The following AGBL1 variants were observed in gnomAD, a reference collection of about 807,000 sequenced individuals.
AGBL1 encodes the protein cytosolic carboxypeptidase 4.
In AGBL1, 130 loss-of-function variants were observed where a neutral mutation model predicts 118.9. The observed-to-expected ratio is 1.09, with a 90% confidence interval of 0.95 to 1.26. The LOEUF is 1.26. Ranked by LOEUF, AGBL1 falls within the 50% of genes most tolerant of loss-of-function variation. The probability of loss-of-function intolerance (pLI) is 0.00; values close to 1 mark genes in which losing one functional copy is unlikely to be tolerated. For synonymous variants in AGBL1, 555 were observed against 478.9 expected, an observed-to-expected ratio of 1.16 and a Z score of -2.08; for missense variants, 1,584 against 1,298.1, an observed-to-expected ratio of 1.22 and a Z score of -3.38.
intron 5 of AGBL1, among the ~76,000 whole-genome samples, chr15:86,218,330 C>T (rs932015581): frequency 6.6e-6 from 1 of 152,060 alleles, no homozygotes. Flanking sequence ...AGTATTTCCA[C>T]TCTCTGAAAA....
intron 22 of AGBL1, among the ~76,000 whole-genome samples, chr15:86,802,418 T>G (rs961195242): frequency 1.3e-4 from 20 of 152,112 alleles, no homozygotes; most frequent in Admixed American, 4.6e-4. Context: ...CTTACCTGAT[T>G]CATTTCCAGT....
chr15:86,123,194 T>A (rs779791100), intron 1 of AGBL1, among the ~76,000 whole-genome samples: 7 of 152,124 alleles, frequency 4.6e-5, no homozygotes, highest in Non-Finnish European at 8.8e-5. Context: ...CATAGAGGTT[T>A]TGTCTGCATG....
intron 4 of AGBL1, among the ~76,000 whole-genome samples, chr15:86,157,674 G>A (rs532488826): frequency 2.6e-5 from 4 of 152,214 alleles, no homozygotes; most frequent in African/African-American, 9.6e-5. Context: ...AGAAGCCTGC[G>A]GATTACTATC....
At chr15:86,157,020 C>A (rs2077201999) in intron 4 of AGBL1, among the ~76,000 whole-genome samples, 1 of 152,046 alleles carries the variant, frequency 6.6e-6, no homozygotes, top group African/African-American at 2.4e-5. Flanking sequence ...GAACTCCTGA[C>A]CTCAGGTGAT....
intron 21 of AGBL1, among the ~76,000 whole-genome samples, chr15:86,618,093 T>A (rs1249739230): frequency 6.6e-6 from 1 of 152,158 alleles, no homozygotes; most frequent in Non-Finnish European, 1.5e-5. Context: ...GATGGAATAT[T>A]CATTAGAGGG....
chr15:86,670,188 G>A (rs1310039585), intron 21 of AGBL1, among the ~76,000 whole-genome samples: 2 of 152,072 alleles, frequency 1.3e-5, no homozygotes, highest in South Asian at 2.1e-4. Flanking sequence ...GTTCCCTGAA[G>A]TGACGTTACC....
intron 21 of AGBL1, among the ~76,000 whole-genome samples, chr15:86,573,686 C>A (rs1399870508): frequency 2.0e-5 from 3 of 152,160 alleles, no homozygotes; most frequent in Non-Finnish European, 4.4e-5. Flanking sequence ...GAACATGATC[C>A]TCCTCCTTAT....
Position 86,974,549 on chromosome 15 carries a change from AAT to A in AGBL1, c.3222-13437_3222-13436del, listed in dbSNP as rs1189799778. Among the ~76,000 whole-genome samples the A allele has an allele frequency of 9.7e-3, 1,261 of 129,826 alleles. 44 individuals carry two copies. Among genetic ancestry groups the A allele is most frequent in the Middle Eastern group, 0.018 (4 of 218 alleles). The allele number at this position is 129,826 out of a possible 152,430, so 85.2% of individuals were successfully genotyped here. ...TATATTAAATATATAAAAATTATAT[AAT>A]TATATAATATAAATTATATATATTA... On this transcript the variant is annotated intron_variant, in intron 23 of 24. Coordinates refer to the AGBL1 transcript ENST00000441037.
At chr15:86,485,478 T>C (rs2082701347) in intron 18 of AGBL1, among the ~76,000 whole-genome samples, 1 of 152,098 alleles carries the variant, frequency 6.6e-6, no homozygotes, top group South Asian at 2.1e-4. Context: ...AGCTACACAG[T>C]CTCTGATGAA....
chr15:86,472,392 A>G (rs573438635), intron 18 of AGBL1, among the ~76,000 whole-genome samples: 1 of 152,266 alleles, frequency 6.6e-6, no homozygotes, highest in Admixed American at 6.5e-5. Flanking sequence ...TGGCCAGTGA[A>G]TTGACAATTC....
intron 21 of AGBL1, among the ~76,000 whole-genome samples, chr15:86,597,125 C>T (rs1228684375): frequency 8.0e-6 from 1 of 124,892 alleles, no homozygotes; most frequent in Non-Finnish European, 1.7e-5. Flanking sequence ...TCTATCTAAT[C>T]TACCTATATC....
intron 21 of AGBL1, among the ~76,000 whole-genome samples, chr15:86,575,180 C>T (rs1324400501): frequency 4.0e-5 from 6 of 151,648 alleles, no homozygotes; most frequent in Non-Finnish European, 7.4e-5. Context: ...CAGAGGGAGA[C>T]TCTGTCTCAA....
At chr15:86,722,073 C>T (rs2086730749) in intron 22 of AGBL1, among the ~76,000 whole-genome samples, 2 of 152,120 alleles carry the variant, frequency 1.3e-5, no homozygotes, top group Non-Finnish European at 2.9e-5. Context: ...TGAAAATGGC[C>T]ATACTGCCCA....
At chr15:86,329,310 T>C (rs972330494) in intron 17 of AGBL1, among the ~76,000 whole-genome samples, 1 of 151,766 alleles carries the variant, frequency 6.6e-6, no homozygotes, top group Non-Finnish European at 1.5e-5. Context: ...ACATAGATGA[T>C]AGTGCAGTGG....
chr15:86,915,871 G>A lies in AGBL1; in HGVS notation c.*8577G>A, dbSNP rs2080416028. On this transcript the variant is annotated 3_prime_UTR_variant, in exon 23 of 23. Coordinates refer to ENST00000614907, the MANE Select transcript of AGBL1 (RefSeq NM_001386094.1). ...GCATGGAGAGCAGAGCTGCAGGAAAGCAGGACACACGTGAGTCCAGCCAAC... is the reference window on the plus strand; with the variant it reads ...GCATGGAGAGCAGAGCTGCAGGAAAACAGGACACACGTGAGTCCAGCCAAC... The A allele has an allele frequency of 6.6e-6, 1 of 152,222 alleles. No homozygotes were observed. Among genetic ancestry groups the A allele is most frequent in the Non-Finnish European group, 1.5e-5 (1 of 68,066 alleles). 9.4% of individuals were successfully genotyped at this position (152,222 alleles called of 1,614,324 possible).
At chr15:86,624,462 TC>T (rs2084855248) in intron 21 of AGBL1, among the ~76,000 whole-genome samples, 2 of 152,222 alleles carry the variant, frequency 1.3e-5, no homozygotes, top group Admixed American at 1.3e-4. Flanking sequence ...ATATCCTCTG[TC>T]CTCCAGAAGT....
At chr15:86,749,768 C>G (rs1195169633) in intron 22 of AGBL1, among the ~76,000 whole-genome samples, 2 of 152,160 alleles carry the variant, frequency 1.3e-5, no homozygotes, top group Non-Finnish European at 2.9e-5. Context: ...TTGAGATAAT[C>G]ATGTGGTTTT....
chr15:86,935,119 T>C (rs1639283659), intron 23 of AGBL1: 1 of 152,134 alleles, frequency 6.6e-6, no homozygotes, highest in African/African-American at 2.4e-5. Context: ...GGAGTGAAAA[T>C]GAACTCAGCG....
At chr15:86,470,358 G>C (rs1596154930) in intron 18 of AGBL1, among the ~76,000 whole-genome samples, 1 of 152,150 alleles carries the variant, frequency 6.6e-6, no homozygotes, top group Non-Finnish European at 1.5e-5. Context: ...CCTTGGCACT[G>C]TTGTTGATCA....
Sources: allele counts gnomAD v4.1 joint callset (sites outside exome capture counted in the v4.1 genomes callset), GRCh38; gene constraint gnomAD v4.1.1; transcripts MANE v1.5; gene names NCBI Gene and HGNC (gene_info 2026-07-23, HGNC 2026-07-21).